Variants in ZNF423 observed in about 807,000 individuals in gnomAD.
The protein encoded by ZNF423 is Ebf-associated zinc finger protein.
A neutral mutation model predicts 95.8 loss-of-function variants in ZNF423; 12 were observed. That is an observed-to-expected ratio of 0.13 (90% CI 0.08 to 0.20). ZNF423 has a LOEUF of 0.20. Among genes scored for constraint, ZNF423 ranks in the 10% least tolerant of loss-of-function variants. ZNF423 has a pLI of 1.00. For synonymous variants in ZNF423, 749 were observed against 711.9 expected, an observed-to-expected ratio of 1.05 and a Z score of -0.83; for missense variants, 1,316 against 1,737.1, an observed-to-expected ratio of 0.76 and a Z score of 4.31.
chr16:49,733,382 C>A (rs531061728), intron 2 of ZNF423, among the ~76,000 whole-genome samples: 2 of 152,158 alleles, frequency 1.3e-5, no homozygotes, highest in East Asian at 3.9e-4. Context: ...TATTTTTTTG[C>A]CGTATTTACT....
In ZNF423 at chr16:49,548,675, G is replaced by A. The variant is rs1033561502; in HGVS notation, c.3602-23181C>T. Among the ~76,000 whole-genome samples, 3 of 152,164 alleles carry A rather than the reference G, an allele frequency of 2.0e-5. No individual in the cohort carries two copies. In the East Asian group the frequency reaches 5.8e-4, roughly 29 times the overall value. On this transcript the variant is annotated intron_variant, in intron 5 of 7. Transcript: ENST00000563137. ...CAGAGAGAAGGGAGAGAAGGAGACA[G>A]CCGCCTTCGGGGAAGCACAAAGCCT...
At chr16:49,792,469 G>A (rs1274380730) in intron 1 of ZNF423, among the ~76,000 whole-genome samples, 2 of 152,204 alleles carry the variant, frequency 1.3e-5, no homozygotes, top group Admixed American at 6.5e-5. Flanking sequence ...AGTGCTAACT[G>A]GCTGGGGAGG....
At chr16:49,529,313 T>TA (rs922259867) in intron 5 of ZNF423, among the ~76,000 whole-genome samples, 6 of 151,494 alleles carry the variant, frequency 4.0e-5, no homozygotes, top group African/African-American at 1.5e-4. Context: ...TTATTATGAT[T>TA]AAAAAAAATA....
intron 5 of ZNF423, among the ~76,000 whole-genome samples, chr16:49,609,578 A>G (rs2151842056): frequency 6.6e-6 from 1 of 152,328 alleles, no homozygotes; most frequent in Middle Eastern, 3.4e-3. Context: ...AGAAATGGAT[A>G]AAGGAGAAAA....
At chr16:49,523,999 G>T (rs1030686405) in intron 6 of ZNF423, among the ~76,000 whole-genome samples, 2 of 152,180 alleles carry the variant, frequency 1.3e-5, no homozygotes, top group Non-Finnish European at 2.9e-5. Flanking sequence ...AAAAAATGAA[G>T]ATTATAATAT....
intron 2 of ZNF423, among the ~76,000 whole-genome samples, chr16:49,756,431 C>T (rs943740942): frequency 1.3e-5 from 2 of 152,150 alleles, no homozygotes; most frequent in Admixed American, 6.5e-5. Context: ...GAACATCAAG[C>T]GCTTGGAAAA....
At chr16:49,662,498 A>G (rs1318669594) in intron 3 of ZNF423, among the ~76,000 whole-genome samples, 2 of 152,222 alleles carry the variant, frequency 1.3e-5, no homozygotes, top group Admixed American at 6.5e-5. Context: ...TTCTATAAAT[A>G]CGAATAAGTG....
intron 2 of ZNF423, among the ~76,000 whole-genome samples, chr16:49,778,540 C>T (rs1047420515): frequency 9.2e-5 from 14 of 151,726 alleles, no homozygotes; most frequent in Non-Finnish European, 2.1e-4. Context: ...CCAACCCCCA[C>T]CCCACCTGGC....
At chr16:49,560,157 C>T in intron 5 of ZNF423, among the ~76,000 whole-genome samples, 1 of 152,180 alleles carries the variant, frequency 6.6e-6, no homozygotes, top group East Asian at 1.9e-4. Flanking sequence ...GTGACAACTG[C>T]CATCATCACG....
chr16:49,790,663 G>T (rs2034397967), intron 1 of ZNF423, among the ~76,000 whole-genome samples: 1 of 152,260 alleles, frequency 6.6e-6, no homozygotes, highest in Non-Finnish European at 1.5e-5. Context: ...AAGCAGGCTG[G>T]CTTGTGGTCA....
At chr16:49,495,181 G>C (rs1015175815) in intron 7 of ZNF423, among the ~76,000 whole-genome samples, 3 of 152,196 alleles carry the variant, frequency 2.0e-5, no homozygotes, top group Non-Finnish European at 4.4e-5. Context: ...AAACGGGAGA[G>C]CAGGAGGGGG....
intron 5 of ZNF423, among the ~76,000 whole-genome samples, chr16:49,584,045 C>G (rs546675132): frequency 6.6e-6 from 1 of 152,298 alleles, no homozygotes; most frequent in African/African-American, 2.4e-5. Flanking sequence ...CATTGTCTTC[C>G]AAGCTTAAAA....
intron 5 of ZNF423, among the ~76,000 whole-genome samples, chr16:49,549,144 A>T (rs1032598026): frequency 6.6e-6 from 1 of 152,230 alleles, no homozygotes; most frequent in African/African-American, 2.4e-5. Flanking sequence ...ATGGTGGCAG[A>T]TCACAGATCT....
chr16:49,535,064 A>T (rs1322372742), intron 5 of ZNF423, among the ~76,000 whole-genome samples: 1 of 152,148 alleles, frequency 6.6e-6, no homozygotes, highest in East Asian at 1.9e-4. Context: ...CAGGGGCGTG[A>T]TCAGCTGCAT....
chr16:49,819,856 C>T (rs181786526), intron 1 of ZNF423, among the ~76,000 whole-genome samples: 6 of 152,260 alleles, frequency 3.9e-5, no homozygotes, highest in Non-Finnish European at 8.8e-5. Context: ...CAGTACAGTA[C>T]TCAATAAATT....
chr16:49,802,855 A>T (rs1287178225), intron 1 of ZNF423, among the ~76,000 whole-genome samples: 1 of 152,264 alleles, frequency 6.6e-6, no homozygotes, highest in Non-Finnish European at 1.5e-5. Flanking sequence ...GTAAAAGCAC[A>T]ACTTTCCAGT....
intron 1 of ZNF423, among the ~76,000 whole-genome samples, chr16:49,834,313 G>A (rs2035093435): frequency 8.6e-6 from 1 of 116,202 alleles, no homozygotes; most frequent in Non-Finnish European, 1.9e-5. Flanking sequence ...AATACAAAGA[G>A]ACCCTAAACG....
At position 49,712,753 on chromosome 16, in the gene ZNF423, G is replaced by C. The variant is rs536400204; in HGVS notation, c.301+18018C>G. ...TTGTCTTATCCTCTGGGGGTCCCGG[G>C]AGCGGCGCGATCCGCGAGTGGAAAC... On this transcript the variant is annotated intron_variant, in intron 3 of 7. Coordinates refer to ENST00000563137, the MANE Select transcript of ZNF423 (RefSeq NM_001379286.1). 2.0e-5 allele frequency among the ~76,000 whole-genome samples: 3 copies of C among 152,372 alleles called. No individual in the cohort carries two copies. In the South Asian group the frequency reaches 6.2e-4, roughly 32 times the overall value.
intron 1 of ZNF423, among the ~76,000 whole-genome samples, chr16:49,790,746 C>G (rs1480143360): frequency 2.6e-5 from 4 of 152,216 alleles, no homozygotes; most frequent in Admixed American, 2.6e-4. Flanking sequence ...TGTATATGAC[C>G]TGAGCAAATG....
Sources: gnomAD v4.1 joint callset for allele counts (sites outside exome capture counted in the v4.1 genomes callset) on GRCh38, gnomAD v4.1.1 for gene constraint, MANE v1.5 for transcripts, NCBI Gene and HGNC (gene_info 2026-07-23, HGNC 2026-07-21) for gene names.